Variants in COL23A1 observed in about 807,000 individuals in gnomAD.
COL23A1 encodes the protein collagen alpha-1(XXIII) chain.
COL23A1 carries 97 observed loss-of-function variants against 99.3 expected under a neutral mutation model. The ratio of observed to expected loss-of-function variants is 0.98; its 90% CI spans 0.83 to 1.16. The LOEUF (loss-of-function observed/expected upper bound fraction) is 1.16. Among genes scored for constraint, COL23A1 ranks in the 50% most tolerant of loss-of-function variants. The probability of loss-of-function intolerance (pLI) is 0.00; values close to 1 mark genes in which losing one functional copy is unlikely to be tolerated. For missense variants in COL23A1, 762 were observed against 757.4 expected (o/e 1.01, Z -0.07); for synonymous variants, 320 against 308.2 (o/e 1.04, Z -0.40).
At chr5:178,391,773 C>T (rs190072893) in intron 2 of COL23A1, among the ~76,000 whole-genome samples, 4 of 152,308 alleles carry the variant, frequency 2.6e-5, no homozygotes, top group East Asian at 3.9e-4. Flanking sequence ...AACACTTGTA[C>T]GCCCATGTTC....
intron 2 of COL23A1, among the ~76,000 whole-genome samples, chr5:178,374,079 G>A (rs1047467592): frequency 3.3e-5 from 5 of 152,284 alleles, no homozygotes; most frequent in Admixed American, 1.3e-4. Context: ...ACAAGGATGC[G>A]CAAGGGTACA....
At chr5:178,432,898 TC>T (rs138380374) in intron 2 of COL23A1, among the ~76,000 whole-genome samples, 2 of 151,984 alleles carry the variant, frequency 1.3e-5, no homozygotes, top group East Asian at 3.9e-4. Context: ...TCACTAGGAC[TC>T]CCCAGAGCTC....
rs956045422 is a variant in COL23A1, at chr5:178,366,050, C to T, written c.362-59131G>A. ...CATCTGAGCTCGCTTCAGATGACGCCCCCAGTGCCAGGTGATCATCTGCCG... is the reference window on the plus strand; with the variant it reads ...CATCTGAGCTCGCTTCAGATGACGCTCCCAGTGCCAGGTGATCATCTGCCG... On this transcript the variant is annotated intron_variant, in intron 2 of 28. Transcript: ENST00000390654. This position sits in a 1 kb window ranked among gnomAD's most constrained non-coding sequence, Gnocchi z 4.4. Among the ~76,000 whole-genome samples, 1 of 152,178 alleles carries T rather than the reference C, an allele frequency of 6.6e-6. No homozygotes were observed. Among genetic ancestry groups the T allele is most frequent in the African/African-American group, 2.4e-5 (1 of 41,438 alleles).
chr5:178,257,757 CCT>C (rs1036766019), intron 12 of COL23A1, among the ~76,000 whole-genome samples, 190 bp from the exon 13 acceptor site: 5 of 152,370 alleles, frequency 3.3e-5, no homozygotes, highest in South Asian at 2.1e-4. Context: ...CTGTGTGTCC[CCT>C]GTTCCCACCA....
At chr5:178,404,613 C>T (rs767125201) in intron 2 of COL23A1, among the ~76,000 whole-genome samples, 37 of 152,186 alleles carry the variant, frequency 2.4e-4, no homozygotes, top group Non-Finnish European at 5.1e-4. Flanking sequence ...TGATCCCTGC[C>T]GCACATAGTG....
intron 2 of COL23A1, among the ~76,000 whole-genome samples, chr5:178,458,199 T>C (rs1211034773): frequency 2.1e-4 from 1 of 4,700 alleles, no homozygotes; most frequent in South Asian, 2.4e-3. Flanking sequence ...AACAAACTCA[T>C]TATTTGGAAA....
intron 2 of COL23A1, among the ~76,000 whole-genome samples, chr5:178,379,634 G>C (rs2973728): frequency 0.25 from 37,536 of 152,040 alleles, 5,141 homozygotes; most frequent in African/African-American, 0.38. Context: ...GTAATCCCAG[G>C]ACTTTGGGAG....
At position 178,310,754 on chromosome 5, in the gene COL23A1, G is replaced by A. The variant is rs1337663028; in HGVS notation, c.362-3835C>T. Among the ~76,000 whole-genome samples the A allele has an allele frequency of 6.6e-6, 1 of 152,130 alleles. No homozygotes were observed. The highest frequency in any genetic ancestry group is 1.5e-5 in the Non-Finnish European group (1 of 68,024). On this transcript the variant is annotated intron_variant, in intron 2 of 28. Coordinates refer to ENST00000390654, the MANE Select transcript of COL23A1 (RefSeq NM_173465.4). The surrounding 1 kb of genome is among the most constrained non-coding windows in gnomAD (Gnocchi z 4.3). ...GTTGCCCCGGCCCCTGGGAGAGCAG[G>A]GCCAGCTTGGCTGCAGCTAAGACCT...
intron 2 of COL23A1, among the ~76,000 whole-genome samples, chr5:178,484,125 C>T (rs1446269152): frequency 3.3e-5 from 5 of 152,050 alleles, no homozygotes; most frequent in African/African-American, 9.7e-5. Flanking sequence ...GGGGTTTCAC[C>T]GTGTTGGCCA....
At chr5:178,324,814 T>C (rs1476736818) in intron 2 of COL23A1, among the ~76,000 whole-genome samples, 2 of 152,162 alleles carry the variant, frequency 1.3e-5, no homozygotes, top group Admixed American at 1.3e-4. Context: ...CTGACTGAGT[T>C]CCCAGGCTCT....
At chr5:178,341,184 T>C (rs1296492507) in intron 2 of COL23A1, among the ~76,000 whole-genome samples, 2 of 152,218 alleles carry the variant, frequency 1.3e-5, no homozygotes, top group African/African-American at 2.4e-5. Context: ...TGGATCACAG[T>C]AGTGCGATGA....
intron 2 of COL23A1, among the ~76,000 whole-genome samples, chr5:178,318,477 CT>C (rs1759098954): frequency 6.6e-6 from 1 of 152,222 alleles, no homozygotes; most frequent in African/African-American, 2.4e-5. Flanking sequence ...GGGAAAGCCC[CT>C]CAGCGTGCCT....
At chr5:178,394,538 G>A (rs147371417) in intron 2 of COL23A1, among the ~76,000 whole-genome samples, 1,590 of 152,342 alleles carry the variant, frequency 0.01, 13 homozygotes, top group Middle Eastern at 0.068. Flanking sequence ...ACGATGTTCC[G>A]GCCTCAACAT....
intron 2 of COL23A1, among the ~76,000 whole-genome samples, chr5:178,404,930 G>T (rs1411683371): frequency 6.6e-6 from 1 of 152,218 alleles, no homozygotes; most frequent in Non-Finnish European, 1.5e-5. Context: ...CCTTGATTTT[G>T]CTTTAACTTA....
chr5:178,305,596 G>A lies in COL23A1; in HGVS notation c.406+1279C>T, dbSNP rs140134588. Among the ~76,000 whole-genome samples the A allele has an allele frequency of 3.7e-4, 57 of 152,354 alleles. No individual in the cohort carries two copies. In the East Asian group the frequency reaches 8.9e-3, roughly 24 times the overall value. Reference sequence around the variant, plus strand: ...AACCATTAGAGGTTTTTTTGGAGGAGATGCTTGAGCTAGGCTTGAAGGACA... The same window carrying A: ...AACCATTAGAGGTTTTTTTGGAGGAAATGCTTGAGCTAGGCTTGAAGGACA... On this transcript the variant is annotated intron_variant, in intron 3 of 28. Transcript: ENST00000390654.
At chr5:178,405,534 TA>T (rs370959064) in intron 2 of COL23A1, among the ~76,000 whole-genome samples, 1 of 152,252 alleles carries the variant, frequency 6.6e-6, no homozygotes, top group South Asian at 2.1e-4. Flanking sequence ...TTTGCATTGT[TA>T]AAAAAAGTAT....
intron 8 of COL23A1, chr5:178,265,706 A>C (rs1755851807): frequency 1.0e-6 from 1 of 985,894 alleles, no homozygotes; most frequent in Non-Finnish European, 1.2e-6. Flanking sequence ...TAAAGCCCGG[A>C]TTGAGCCGTG....
chr5:178,529,094 G>C (rs1452810168), intron 2 of COL23A1, among the ~76,000 whole-genome samples: 1 of 152,244 alleles, frequency 6.6e-6, no homozygotes, highest in Non-Finnish European at 1.5e-5. Flanking sequence ...GTTCTCCTTA[G>C]GGAGTTATCT....
Position 178,365,171 on chromosome 5 carries a change from G to GTGTGTGTGTGTT in COL23A1, c.362-58253_362-58252insAACACACACACA, listed in dbSNP as rs1762402257. Among the ~76,000 whole-genome samples, 1 of 143,676 alleles carries GTGTGTGTGTGTT rather than the reference G, an allele frequency of 7.0e-6. No individual in the cohort carries two copies. Among genetic ancestry groups the GTGTGTGTGTGTT allele is most frequent in the Admixed American group, 6.9e-5 (1 of 14,522 alleles). The allele number at this position is 143,676 out of a possible 152,430, so 94.3% of individuals were successfully genotyped here. On this transcript the variant is annotated intron_variant, in intron 2 of 28. Transcript: ENST00000390654. The surrounding 1 kb of genome is among the most constrained non-coding windows in gnomAD (Gnocchi z 5.2). ...TGTGTGTGTGTGTGTGTGTGTGTGTGATAAATAAGCAAAATTGTTTTCCTG... is the reference window on the plus strand; with the variant it reads ...TGTGTGTGTGTGTGTGTGTGTGTGTGTGTGTGTGTGTTATAAATAAGCAAAATTGTTTTCCTG...
Sources: allele counts gnomAD v4.1 joint callset (sites outside exome capture counted in the v4.1 genomes callset), GRCh38; gene constraint gnomAD v4.1.1; non-coding constraint Gnocchi (gnomAD v3.1); transcripts MANE v1.5; gene names NCBI Gene and HGNC (gene_info 2026-07-23, HGNC 2026-07-21).